ZBTB16: variants seen among roughly 807,000 people sequenced by gnomAD.
The protein encoded by ZBTB16 is zinc finger and BTB domain containing 16.
A neutral mutation model predicts 56.8 loss-of-function variants in ZBTB16; 8 were observed. The observed-to-expected ratio is 0.14, with a 90% confidence interval of 0.08 to 0.25. The LOEUF is 0.25. ZBTB16 is among the 10% of genes least tolerant of loss of function. The pLI, the probability that ZBTB16 is intolerant of heterozygous loss-of-function variation, is 1.00. For missense variants in ZBTB16, 625 were observed against 903.0 expected (o/e 0.69, Z 3.95); for synonymous variants, 363 against 368.5 (o/e 0.98, Z 0.17).
chr11:114,199,703 G>A (rs1051646291), intron 4 of ZBTB16, among the ~76,000 whole-genome samples: 2 of 152,190 alleles, frequency 1.3e-5, no homozygotes, highest in African/African-American at 4.8e-5. Flanking sequence ...CTGTTTGGGG[G>A]GTTCTGTGGT....
At chr11:114,113,601 G>T (rs889349418) in intron 2 of ZBTB16, among the ~76,000 whole-genome samples, 3 of 152,254 alleles carry the variant, frequency 2.0e-5, no homozygotes, top group Non-Finnish European at 2.9e-5. Context: ...GCAAGTAGGA[G>T]TAAGTAAAGA....
chr11:114,246,610 G>A (rs1213848715), intron 5 of ZBTB16, among the ~76,000 whole-genome samples: 2 of 152,136 alleles, frequency 1.3e-5, no homozygotes, highest in Non-Finnish European at 1.5e-5. Flanking sequence ...TTCTGCCTGG[G>A]GAACTAAAGG....
Position 114,242,181 on chromosome 11 carries a change from G to A in ZBTB16, c.1468G>A (p.Val490Ile), listed in dbSNP as rs773268850. 21 of 1,613,528 alleles carry A rather than the reference G, an allele frequency of 1.3e-5. No individual in the cohort carries two copies. The highest frequency in any genetic ancestry group is 1.7e-5 in the Non-Finnish European group (20 of 1,179,886). ...GTCTCCCACAGGCACTGACATGGCC[G>A]TCTTCTGTCTGCTGTGTGGGAAGCG... ...RQTHTGTDMA[V>I]FCLLCGKRFQ... Residue 490 changes from valine (V) to isoleucine (I), a missense_variant, in exon 5 of 7, where the codon GTC becomes ATC. By Grantham distance (29) the Val-to-Ile change is conservative (BLOSUM62 3). Around this residue, in one of 6 missense-constraint regions of ZBTB16, gnomAD observed 140 missense variants for 214.8 expected, o/e 0.65. Transcript: ENST00000335953.
At chr11:114,249,899 G>A (rs566139495) in intron 6 of ZBTB16, among the ~76,000 whole-genome samples, 4 of 151,440 alleles carry the variant, frequency 2.6e-5, no homozygotes, top group African/African-American at 4.9e-5. Context: ...GAAAGGTCTC[G>A]ATCCACCTGC....
intron 3 of ZBTB16, among the ~76,000 whole-genome samples, chr11:114,173,907 G>A (rs1943037777): frequency 6.6e-6 from 1 of 152,208 alleles, no homozygotes; most frequent in African/African-American, 2.4e-5. Context: ...CATCTTGCTT[G>A]CTTAGAAGTC....
chr11:114,239,843 A>G (rs1220586330), intron 4 of ZBTB16, among the ~76,000 whole-genome samples: 1 of 152,224 alleles, frequency 6.6e-6, no homozygotes, highest in Non-Finnish European at 1.5e-5. Context: ...CAGAGGTAGC[A>G]TTGAGTCCAG....
intron 1 of ZBTB16, among the ~76,000 whole-genome samples, chr11:114,062,402 C>G (rs1210528102): frequency 1.3e-5 from 2 of 152,116 alleles, no homozygotes; most frequent in Non-Finnish European, 2.9e-5. Flanking sequence ...CGCGCCCTGC[C>G]CCACACACTC....
intron 2 of ZBTB16, among the ~76,000 whole-genome samples, chr11:114,137,370 T>C (rs1335336634): frequency 6.6e-6 from 1 of 152,094 alleles, no homozygotes; most frequent in Non-Finnish European, 1.5e-5. Flanking sequence ...CTCTCCAAAA[T>C]GGAAGTGTCT....
intron 4 of ZBTB16, among the ~76,000 whole-genome samples, chr11:114,227,364 C>G (rs1944348708): frequency 6.6e-6 from 1 of 152,218 alleles, no homozygotes; most frequent in Non-Finnish European, 1.5e-5. Flanking sequence ...GACGGAGCCC[C>G]TTAGAACAAT....
chr11:114,160,089 C>A (rs1191579680), intron 3 of ZBTB16, among the ~76,000 whole-genome samples: 1 of 152,184 alleles, frequency 6.6e-6, no homozygotes, highest in Non-Finnish European at 1.5e-5. Context: ...AGCCGAACGG[C>A]TCTCACTTCC....
At chr11:114,188,299 AAGG>A (rs1423871923) in intron 4 of ZBTB16, 1 of 152,374 alleles carries the variant, frequency 6.6e-6, no homozygotes, top group East Asian at 1.9e-4. Flanking sequence ...CTGAGGCTGA[AAGG>A]AGGGAAAGTG....
Position 114,148,001 on chromosome 11 carries a change from A to G in ZBTB16, c.1269-8336A>G, listed in dbSNP as rs142346865. 6.1e-3 allele frequency among the ~76,000 whole-genome samples: 930 copies of G among 152,332 alleles called. 5 individuals carry two copies. Among genetic ancestry groups the G allele is most frequent in the African/African-American group, 0.02 (835 of 41,572 alleles). On this transcript the variant is annotated intron_variant, in intron 2 of 6. Coordinates refer to ENST00000335953, the MANE Select transcript of ZBTB16 (RefSeq NM_006006.6). ...TTGTTGATAGAGATATTTCAAATAA[A>G]TGACTTAGGAGAACTTAGTATTTTA...
intron 4 of ZBTB16, among the ~76,000 whole-genome samples, chr11:114,205,197 C>T (rs1215281323): frequency 6.6e-6 from 1 of 151,992 alleles, no homozygotes; most frequent in Non-Finnish European, 1.5e-5. Context: ...ATCACGAGGT[C>T]AGGAGATCGA....
At chr11:114,097,764 C>T (rs1449277743) in intron 2 of ZBTB16, among the ~76,000 whole-genome samples, 1 of 152,096 alleles carries the variant, frequency 6.6e-6, no homozygotes, top group Non-Finnish European at 1.5e-5. Flanking sequence ...AAAATCTCCC[C>T]CTTTTTGGCT....
In ZBTB16 at chr11:114,145,287, T is replaced by C. The variant is rs150203148; in HGVS notation, c.1269-11050T>C. 9.8e-4 allele frequency among the ~76,000 whole-genome samples: 149 copies of C among 152,382 alleles called. 1 individual carries two copies. The highest frequency in any genetic ancestry group is 3.5e-3 in the African/African-American group (147 of 41,596). On this transcript the variant is annotated intron_variant, in intron 2 of 6. Transcript: ENST00000335953. Reference sequence around the variant, plus strand: ...TAAAAGGTTAAACATAGAGTTACCATATGAGCTGGCAATTCCACTCCTAGG... The same window carrying C: ...TAAAAGGTTAAACATAGAGTTACCACATGAGCTGGCAATTCCACTCCTAGG...
chr11:114,247,637 C>T (rs1322613273), intron 6 of ZBTB16, among the ~76,000 whole-genome samples: 1 of 152,184 alleles, frequency 6.6e-6, no homozygotes, highest in African/African-American at 2.4e-5. Context: ...GCAGCTATAC[C>T]AGTAGTTCAG....
At position 114,143,428 on chromosome 11, in the gene ZBTB16, G is replaced by C. The variant is rs1942012685; in HGVS notation, c.1269-12909G>C. ...TAAAAGACAGAGGCTGGGGGGGAAA[G>C]GGGGTCAGCTTTGAGAGGGGACAGA... On this transcript the variant is annotated intron_variant, in intron 2 of 6. Transcript: ENST00000335953. The surrounding 1 kb of genome is among the most constrained non-coding windows in gnomAD (Gnocchi z 6.4). Among the ~76,000 whole-genome samples, 1 of 152,172 alleles carries C rather than the reference G, an allele frequency of 6.6e-6. No homozygotes were observed.
chr11:114,144,079 A>T, intron 2 of ZBTB16, among the ~76,000 whole-genome samples: 1 of 151,820 alleles, frequency 6.6e-6, no homozygotes, highest in Non-Finnish European at 1.5e-5. Context: ...TTTTCCTTTT[A>T]TCTCCATGCC....
intron 2 of ZBTB16, among the ~76,000 whole-genome samples, chr11:114,147,945 A>G (rs1173972835): frequency 6.6e-6 from 1 of 152,240 alleles, no homozygotes; most frequent in Non-Finnish European, 1.5e-5. Flanking sequence ...AGCCCAGTGC[A>G]CAAATGAAAA....
Sources: gnomAD v4.1 joint callset for allele counts (sites outside exome capture counted in the v4.1 genomes callset) on GRCh38, gnomAD v4.1.1 for gene constraint, gnomAD v4.1.1 regional missense constraint, Gnocchi (gnomAD v3.1) non-coding constraint, MANE v1.5 for transcripts, NCBI Gene and HGNC (gene_info 2026-07-23, HGNC 2026-07-21) for gene names.